Variants in NFS1 observed in about 807,000 individuals in gnomAD.
The protein encoded by NFS1 is NFS1 cysteine desulfurase.
In NFS1, 26 loss-of-function variants were observed where a neutral mutation model predicts 57.3. The observed-to-expected ratio is 0.45, with a 90% CI of 0.33 to 0.63. The LOEUF (loss-of-function observed/expected upper bound fraction) is 0.63, where lower values mean the gene tolerates loss of function less well. Among genes scored for constraint, NFS1 ranks in the 20% least tolerant of loss-of-function variants. The pLI, the probability that NFS1 is intolerant of heterozygous loss-of-function variation, is 0.02. For missense variants in NFS1, 505 were observed against 605.8 expected (o/e 0.83, Z 1.75); for synonymous variants, 209 against 216.3 (o/e 0.97, Z 0.30).
chr20:35,697,061 G>A (rs1371631003), intron 3 of NFS1, among the ~76,000 whole-genome samples: 2 of 152,120 alleles, frequency 1.3e-5, no homozygotes, highest in Non-Finnish European at 2.9e-5. Context: ...AGCCGAGATC[G>A]TGCCACTGCA....
At chr20:35,695,631 G>A (rs1306771220) in intron 4 of NFS1, among the ~76,000 whole-genome samples, 2 of 152,172 alleles carry the variant, frequency 1.3e-5, no homozygotes, top group Non-Finnish European at 2.9e-5. Flanking sequence ...TCAAAATGGA[G>A]ATATCTAAAG....
intron 5 of NFS1, among the ~76,000 whole-genome samples, chr20:35,683,597 G>A (rs187665827): frequency 2.0e-5 from 3 of 151,640 alleles, no homozygotes; most frequent in African/African-American, 7.3e-5. Flanking sequence ...TGGCTAACAT[G>A]GTGAAACCTT....
intron 2 of NFS1, among the ~76,000 whole-genome samples, chr20:35,698,276 G>T (rs1296080014): frequency 2.0e-5 from 3 of 152,264 alleles, no homozygotes; most frequent in Non-Finnish European, 4.4e-5. Flanking sequence ...AGCCTGCGCT[G>T]AAGTGATCTG....
At chr20:35,684,537 G>C (rs2034907035) in intron 5 of NFS1, among the ~76,000 whole-genome samples, 1 of 151,788 alleles carries the variant, frequency 6.6e-6, no homozygotes, top group African/African-American at 2.4e-5. Flanking sequence ...GATCATTTGA[G>C]GTCAGGAGTT....
chr20:35,671,323 G>T (rs1406085445), intron 12 of NFS1, among the ~76,000 whole-genome samples: 1 of 152,164 alleles, frequency 6.6e-6, no homozygotes, highest in Non-Finnish European at 1.5e-5. Context: ...GGATGGTCTT[G>T]ATCTCCTGAC....
chr20:35,698,808 G>C (rs1308369299), intron 1 of NFS1: 1 of 1,381,600 alleles, frequency 7.2e-7, no homozygotes, highest in African/African-American at 1.5e-5. Flanking sequence ...GTGTTGAGTT[G>C]ATATTCAAAT....
At chr20:35,687,673 C>G (rs113365121) in intron 5 of NFS1, among the ~76,000 whole-genome samples, 1 of 152,290 alleles carries the variant, frequency 6.6e-6, no homozygotes, top group East Asian at 1.9e-4. Flanking sequence ...TTTATTTCTA[C>G]GCTCTCTCGT....
intron 10 of NFS1, chr20:35,674,020 T>A (rs908560207): frequency 4.4e-6 from 2 of 453,308 alleles, no homozygotes; most frequent in Non-Finnish European, 8.1e-6. Context: ...TGCACCAGCC[T>A]GAAGGGCAGC....
At chr20:35,671,020 T>C (rs191479154) in intron 12 of NFS1, among the ~76,000 whole-genome samples, 255 of 152,152 alleles carry the variant, frequency 1.7e-3, no homozygotes, top group African/African-American at 6.0e-3. Flanking sequence ...GGCCTCAAGG[T>C]TCCAGGAGGA....
At position 35,698,540 on chromosome 20, in the gene NFS1, G is replaced by A; in HGVS notation, c.148C>T (p.Pro50Ser). 6.2e-7 allele frequency: 1 copy of A among 1,613,796 alleles called. No homozygotes were observed. The highest frequency in any genetic ancestry group is 8.5e-7 in the Non-Finnish European group (1 of 1,179,886). Residue 50 changes from proline (P) to serine (S), a missense_variant, in exon 2 of 13, where the codon CCG (proline) becomes TCG (serine). By Grantham distance (74) the Pro-to-Ser change is moderately conservative. Transcript: ENST00000374092. ...GGTCGCAGCACTGGCCCCACCTCCGGGGCAGCGGCTGTATCTGCGGGAACC... is the reference window on the plus strand; with the variant it reads ...GGTCGCAGCACTGGCCCCACCTCCGAGGCAGCGGCTGTATCTGCGGGAACC... ...SAVPADTAAAPEVGPVLRPLY... is the reference protein window; with the variant it reads ...SAVPADTAAASEVGPVLRPLY...
At position 35,674,633 on chromosome 20, in the gene NFS1, G is replaced by A; in HGVS notation, c.949-16C>T. On this transcript the variant is annotated splice_polypyrimidine_tract_variant and intron_variant, in intron 8 of 12. Transcript: ENST00000374092. ...TGTGGTCATACTAAGGAGCAGGCAA[G>A]GAAGGATTAGGCAGTAACCATTAAC... 6.3e-7 allele frequency: 1 copy of A among 1,593,396 alleles called. No individual in the cohort carries two copies. The highest frequency in any genetic ancestry group is 2.2e-5 in the East Asian group (1 of 44,766).
In NFS1 at chr20:35,668,299, G is replaced by T. The variant is rs922246578; in HGVS notation, c.*1323C>A. 6.6e-6 allele frequency: 1 copy of T among 152,034 alleles called. No individual in the cohort carries two copies. Among genetic ancestry groups the T allele is most frequent in the Non-Finnish European group, 1.5e-5 (1 of 68,006 alleles). The allele number at this position is 152,034 out of a possible 1,614,324, so 9.4% of individuals were successfully genotyped here. A position where few individuals can be genotyped will look rare whatever the true frequency, so the allele number is the denominator to read the frequency against. On this transcript the variant is annotated 3_prime_UTR_variant, in exon 13 of 13. Coordinates refer to ENST00000374092, the MANE Select transcript of NFS1 (RefSeq NM_021100.5). ...GTATGAAAAGCAATTAAACTTTTTT[G>T]ACCATTATCCACAATAAGAAATACA...
chr20:35,696,188 C>A (rs530380048), intron 4 of NFS1, among the ~76,000 whole-genome samples, 189 bp downstream of exon 4: 1 of 152,186 alleles, frequency 6.6e-6, no homozygotes, highest in Admixed American at 6.5e-5. Flanking sequence ...CCAACAGCAG[C>A]AAAGACTTAA....
At chr20:35,694,143 CTT>C (rs750913818) in intron 4 of NFS1, among the ~76,000 whole-genome samples, 9,224 of 133,754 alleles carry the variant, frequency 0.069, 321 homozygotes, top group South Asian at 0.17. Flanking sequence ...GAGACCATGT[CTT>C]TTTTTTTTTT....
At chr20:35,671,033 A>G (rs548927311) in intron 12 of NFS1, among the ~76,000 whole-genome samples, 1 of 152,318 alleles carries the variant, frequency 6.6e-6, no homozygotes, top group South Asian at 2.1e-4. Flanking sequence ...CAGGAGGAAG[A>G]TGAGCTCTGT....
At chr20:35,681,116 C>G (rs1042744356) in intron 6 of NFS1, among the ~76,000 whole-genome samples, 1 of 151,438 alleles carries the variant, frequency 6.6e-6, no homozygotes, top group African/African-American at 2.4e-5. Context: ...AGCACCAGAT[C>G]GAAACACTCG....
chr20:35,689,994 G>A (rs372366611), intron 5 of NFS1, among the ~76,000 whole-genome samples: 7 of 151,298 alleles, frequency 4.6e-5, no homozygotes, highest in African/African-American at 1.7e-4. Flanking sequence ...AGCTACTCGG[G>A]AGGGTGAGGC....
Position 35,668,809 on chromosome 20 carries a change from C to G in NFS1, c.*813G>C, listed in dbSNP as rs1388123739. Reference sequence around the variant, plus strand: ...ACCAGTGTATTCCTAATACCCAGAACAAATCTGGCTCCTGGCAGGCATTCA... The same window carrying G: ...ACCAGTGTATTCCTAATACCCAGAAGAAATCTGGCTCCTGGCAGGCATTCA... On this transcript the variant is annotated 3_prime_UTR_variant, in exon 13 of 13. Coordinates refer to ENST00000374092, the MANE Select transcript of NFS1 (RefSeq NM_021100.5). The G allele has an allele frequency of 6.6e-6, 1 of 152,172 alleles. No individual in the cohort carries two copies. The highest frequency in any genetic ancestry group is 1.5e-5 in the Non-Finnish European group (1 of 68,034). The allele number at this position is 152,172 out of a possible 1,614,324, so 9.4% of individuals were successfully genotyped here. A position where few individuals can be genotyped will look rare whatever the true frequency, so the allele number is the denominator to read the frequency against.
chr20:35,681,711 A>G (rs770215767), intron 6 of NFS1, among the ~76,000 whole-genome samples, 177 bp downstream of exon 6: 27 of 152,098 alleles, frequency 1.8e-4, no homozygotes, highest in Non-Finnish European at 3.1e-4. Context: ...GAAAAAAAAA[A>G]TGGTAATAGA....
Sources: gnomAD v4.1 joint callset for allele counts (sites outside exome capture counted in the v4.1 genomes callset) on GRCh38, gnomAD v4.1.1 for gene constraint, MANE v1.5 for transcripts, NCBI Gene and HGNC (gene_info 2026-07-23, HGNC 2026-07-21) for gene names.